SLC25A21: variants seen among roughly 807,000 people sequenced by gnomAD.
The protein encoded by SLC25A21 is mitochondrial 2-oxodicarboxylate carrier.
SLC25A21 carries 47 observed loss-of-function variants against 43.8 expected under a neutral mutation model. The observed-to-expected ratio is 1.07, with a 90% confidence interval of 0.85 to 1.37. The LOEUF (loss-of-function observed/expected upper bound fraction) is 1.37, where lower values mean the gene tolerates loss of function less well. Ranked by LOEUF, SLC25A21 falls within the 40% of genes most tolerant of loss-of-function variation. SLC25A21 has a pLI of 0.00. For missense variants in SLC25A21, 352 were observed against 350.2 expected (o/e 1.00, Z -0.04); for synonymous variants, 131 against 121.3 (o/e 1.08, Z -0.52).
chr14:36,776,438 C>T lies in SLC25A21; in HGVS notation c.203+37480G>A, dbSNP rs979537833. On this transcript the variant is annotated intron_variant, in intron 3 of 9. Transcript: ENST00000331299. ...TATTTTTAGTAGAAACGGGGTTTCA[C>T]CGGGTTAGCCAGGATGGTCTCGATT... Among the ~76,000 whole-genome samples the T allele has an allele frequency of 5.9e-5, 9 of 151,692 alleles. No individual in the cohort carries two copies. In the South Asian group the frequency reaches 1.7e-3, roughly 28 times the overall value.
At chr14:36,969,679 A>T (rs1226208877) in intron 1 of SLC25A21, among the ~76,000 whole-genome samples, 1 of 151,736 alleles carries the variant, frequency 6.6e-6, no homozygotes, top group Non-Finnish European at 1.5e-5. Flanking sequence ...ATTTATGGAG[A>T]TGGGGTCTCG....
intron 2 of SLC25A21, among the ~76,000 whole-genome samples, chr14:36,864,164 C>G (rs190463548): frequency 6.8e-6 from 1 of 146,658 alleles, no homozygotes; most frequent in African/African-American, 2.8e-5. Context: ...AGGGTCATTC[C>G]TAGGTTATAT....
chr14:36,791,698 G>A (rs1887489482), intron 3 of SLC25A21, among the ~76,000 whole-genome samples: 1 of 152,092 alleles, frequency 6.6e-6, no homozygotes, highest in African/African-American at 2.4e-5. Context: ...ATAATTAACA[G>A]CTAGGAAAAT....
intron 3 of SLC25A21, among the ~76,000 whole-genome samples, chr14:36,756,594 C>T (rs1022553886): frequency 3.3e-5 from 5 of 152,140 alleles, no homozygotes; most frequent in Non-Finnish European, 5.9e-5. Context: ...TACCCATTTC[C>T]CTTGGCACCC....
At chr14:36,977,086 T>C (rs989342652) in intron 1 of SLC25A21, among the ~76,000 whole-genome samples, 2 of 152,240 alleles carry the variant, frequency 1.3e-5, no homozygotes, top group African/African-American at 2.4e-5. Flanking sequence ...CTTAAACATG[T>C]TGCATTTTTC....
chr14:37,105,893 T>C (rs922665296), intron 1 of SLC25A21, among the ~76,000 whole-genome samples: 1 of 152,120 alleles, frequency 6.6e-6, no homozygotes, highest in Non-Finnish European at 1.5e-5. Context: ...ATGCTACATA[T>C]TGTTTACTGC....
rs536320208 is a variant in SLC25A21, at chr14:36,984,608, T to C, written c.71-109604A>G. Among the ~76,000 whole-genome samples, 220 of 152,218 alleles carry C rather than the reference T, an allele frequency of 1.4e-3. 1 individual carries two copies. Among genetic ancestry groups the C allele is most frequent in the African/African-American group, 5.1e-3 (210 of 41,566 alleles). Reference sequence around the variant, plus strand: ...TTCAAATATCTAAAACCTTTGTAGGTTTAAGCGTTTTGCTTTTTTGTTTCT... The same window carrying C: ...TTCAAATATCTAAAACCTTTGTAGGCTTAAGCGTTTTGCTTTTTTGTTTCT... On this transcript the variant is annotated intron_variant, in intron 1 of 9. Transcript: ENST00000331299.
chr14:36,678,323 G>A lies in SLC25A21; in HGVS notation c.*2335C>T. 1 of 619,420 alleles carries A rather than the reference G, an allele frequency of 1.6e-6. No homozygotes were observed. Among genetic ancestry groups the A allele is most frequent in the Non-Finnish European group, 2.8e-6 (1 of 355,642 alleles). The allele number at this position is 619,420 out of a possible 1,614,324, so 38.4% of individuals were successfully genotyped here. ...TTTCAGACAGCAGATATCTTATAGAGAGCTTTGAACTGCATTTATTTCTAA... is the reference window on the plus strand; with the variant it reads ...TTTCAGACAGCAGATATCTTATAGAAAGCTTTGAACTGCATTTATTTCTAA... On this transcript the variant is annotated 3_prime_UTR_variant, in exon 10 of 10. Coordinates refer to ENST00000331299, the MANE Select transcript of SLC25A21 (RefSeq NM_030631.4).
chr14:36,771,555 A>T (rs1886618977), intron 3 of SLC25A21, among the ~76,000 whole-genome samples: 1 of 152,190 alleles, frequency 6.6e-6, no homozygotes. Context: ...TTGTGCAAAA[A>T]GCCCAGAGGC....
intron 3 of SLC25A21, among the ~76,000 whole-genome samples, chr14:36,764,980 A>G (rs1188740894): frequency 6.6e-6 from 1 of 152,220 alleles, no homozygotes; most frequent in Admixed American, 6.5e-5. Context: ...GCAGACTTCC[A>G]AAACTAGTTG....
intron 1 of SLC25A21, among the ~76,000 whole-genome samples, chr14:37,169,705 T>C (rs764129485): frequency 1.4e-4 from 22 of 152,218 alleles, no homozygotes; most frequent in South Asian, 1.0e-3. Flanking sequence ...CTCTTGTGTA[T>C]TGATTTCTAT....
chr14:37,126,473 C>A (rs1315850285), intron 1 of SLC25A21, among the ~76,000 whole-genome samples: 1 of 150,476 alleles, frequency 6.6e-6, no homozygotes, highest in East Asian at 1.9e-4. Flanking sequence ...CCTTTAATTT[C>A]TATTTGTGAT....
At chr14:37,129,545 A>G (rs1274733494) in intron 1 of SLC25A21, among the ~76,000 whole-genome samples, 1 of 152,288 alleles carries the variant, frequency 6.6e-6, no homozygotes, top group East Asian at 1.9e-4. Flanking sequence ...AACAACCATC[A>G]TAACTCAAGA....
intron 1 of SLC25A21, among the ~76,000 whole-genome samples, chr14:36,927,984 G>A (rs1466174325): frequency 2.0e-5 from 3 of 152,056 alleles, no homozygotes; most frequent in Non-Finnish European, 2.9e-5. Context: ...GCATACAACC[G>A]AGGCAGTGGT....
chr14:37,102,712 A>G (rs1962839437), intron 1 of SLC25A21, among the ~76,000 whole-genome samples: 1 of 151,962 alleles, frequency 6.6e-6, no homozygotes, highest in African/African-American at 2.4e-5. Flanking sequence ...TTGGCTGGGC[A>G]TGGTGGCTCA....
chr14:37,171,872 T>C lies in SLC25A21; in HGVS notation c.70+409A>G, dbSNP rs988284539. 1.5e-5 allele frequency: 3 copies of C among 195,284 alleles called. No individual in the cohort carries two copies. The South Asian group carries it at 4.4e-4, about 29-fold the overall frequency. 12.1% of individuals were successfully genotyped at this position (195,284 alleles called of 1,614,324 possible). A position where few individuals can be genotyped will look rare whatever the true frequency, so the allele number is the denominator to read the frequency against. On this transcript the variant is annotated intron_variant, in intron 1 of 9. Coordinates refer to ENST00000331299, the MANE Select transcript of SLC25A21 (RefSeq NM_030631.4). Reference sequence around the variant, plus strand: ...ACTTTGATGAGGAATGCAGGATTTATGTAAGACCTGAGCGAGCTTGAAGAA... The same window carrying C: ...ACTTTGATGAGGAATGCAGGATTTACGTAAGACCTGAGCGAGCTTGAAGAA...
At chr14:36,903,246 C>T (rs1213044869) in intron 1 of SLC25A21, among the ~76,000 whole-genome samples, 2 of 152,118 alleles carry the variant, frequency 1.3e-5, no homozygotes. Context: ...CTCTTTCTTT[C>T]AAGAGCCATT....
intron 1 of SLC25A21, among the ~76,000 whole-genome samples, chr14:37,005,940 CT>C (rs139651595): frequency 0.1 from 15,307 of 152,018 alleles, 818 homozygotes; most frequent in Admixed American, 0.13. Flanking sequence ...TAAAAAATAA[CT>C]TTTTTTTCAT....
intron 6 of SLC25A21, among the ~76,000 whole-genome samples, chr14:36,724,325 C>T (rs1240866112): frequency 6.6e-6 from 1 of 152,204 alleles, no homozygotes; most frequent in African/African-American, 2.4e-5. Flanking sequence ...AGTAGGGCCC[C>T]CCTCCTTCCC....
Sources: gnomAD v4.1 joint callset for allele counts (sites outside exome capture counted in the v4.1 genomes callset) on GRCh38, gnomAD v4.1.1 for gene constraint, MANE v1.5 for transcripts, NCBI Gene and HGNC (gene_info 2026-07-23, HGNC 2026-07-21) for gene names.